Variants in TDRD3 observed in about 807,000 individuals in gnomAD.
TDRD3 encodes tudor domain containing 3, also known as tudor domain-containing protein 3.
Under a neutral mutation model 86.7 loss-of-function variants are expected in TDRD3, and 45 were observed. The ratio of observed to expected loss-of-function variants is 0.52; its 90% CI spans 0.41 to 0.67. The LOEUF (loss-of-function observed/expected upper bound fraction) is 0.67, where lower values mean the gene tolerates loss of function less well. Ranked by LOEUF, TDRD3 falls within the 30% of genes least tolerant of loss-of-function variation. TDRD3 has a pLI of 0.00. For synonymous variants in TDRD3, 298 were observed against 301.7 expected, an observed-to-expected ratio of 0.99 and a Z score of 0.13; for missense variants, 814 against 889.0, an observed-to-expected ratio of 0.92 and a Z score of 1.07.
At chr13:60,512,129 C>A (rs190355671) in intron 10 of TDRD3, among the ~76,000 whole-genome samples, 4 of 152,236 alleles carry the variant, frequency 2.6e-5, no homozygotes, top group Non-Finnish European at 5.9e-5. Context: ...GGGGAAGCCT[C>A]ACAATCACGG....
At chr13:60,421,605 C>T (rs942101957) in intron 1 of TDRD3, among the ~76,000 whole-genome samples, 65 of 152,276 alleles carry the variant, frequency 4.3e-4, no homozygotes, top group African/African-American at 1.4e-3. Context: ...TTCCCAAAAT[C>T]TTTCCCCCAA....
intron 1 of TDRD3, among the ~76,000 whole-genome samples, chr13:60,438,388 G>A (rs1358770496): frequency 1.3e-5 from 2 of 151,950 alleles, no homozygotes; most frequent in African/African-American, 4.8e-5. Flanking sequence ...CTGACTCATC[G>A]ATATATTTGT....
chr13:60,514,946 A>G (rs1016245529), intron 10 of TDRD3, among the ~76,000 whole-genome samples: 3 of 152,194 alleles, frequency 2.0e-5, no homozygotes, highest in African/African-American at 7.2e-5. Flanking sequence ...GCAGTATTTT[A>G]TTTAGTATTT....
intron 1 of TDRD3, among the ~76,000 whole-genome samples, chr13:60,402,720 G>A (rs1354689261): frequency 2.2e-5 from 3 of 135,470 alleles, no homozygotes; most frequent in African/African-American, 5.5e-5. Context: ...TTTTTGAGAC[G>A]GAGTTTCACT....
chr13:60,541,669 T>C (rs1237390878), intron 12 of TDRD3, among the ~76,000 whole-genome samples: 1 of 149,564 alleles, frequency 6.7e-6, no homozygotes, highest in African/African-American at 2.4e-5. Flanking sequence ...TTTTCATTCA[T>C]GTATATCCAA....
At chr13:60,476,571 T>C (rs1408189503) in intron 5 of TDRD3, among the ~76,000 whole-genome samples, 1 of 150,368 alleles carries the variant, frequency 6.7e-6, no homozygotes, top group Non-Finnish European at 1.5e-5. Flanking sequence ...TTTAGAATAG[T>C]TTTTTTTTCT....
At chr13:60,524,169 G>A (rs928121844) in intron 10 of TDRD3, among the ~76,000 whole-genome samples, 1 of 152,136 alleles carries the variant, frequency 6.6e-6, no homozygotes, top group East Asian at 1.9e-4. Flanking sequence ...GGGAACCAAG[G>A]AGCTGCCTTT....
At chr13:60,488,144 G>C (rs36049707) in intron 7 of TDRD3, among the ~76,000 whole-genome samples, 1 of 152,108 alleles carries the variant, frequency 6.6e-6, no homozygotes. Context: ...GAGATGGGTC[G>C]TCAGTCTCAA....
chr13:60,536,573 G>A (rs1335675528), intron 12 of TDRD3: 4 of 151,940 alleles, frequency 2.6e-5, no homozygotes, highest in Admixed American at 6.6e-5. Context: ...TATTGAATCT[G>A]TATTTCTACA....
chr13:60,414,823 G>A (rs1443278091), intron 1 of TDRD3, among the ~76,000 whole-genome samples: 3 of 151,844 alleles, frequency 2.0e-5, no homozygotes, highest in Non-Finnish European at 4.4e-5. Context: ...GGTTTCAATT[G>A]AGCATTCCTA....
intron 10 of TDRD3, among the ~76,000 whole-genome samples, chr13:60,521,939 C>T (rs1957295962): frequency 6.6e-6 from 1 of 151,880 alleles, no homozygotes; most frequent in South Asian, 2.1e-4. Flanking sequence ...AAAAGAGTAA[C>T]CTCCAAAACT....
intron 1 of TDRD3, among the ~76,000 whole-genome samples, chr13:60,437,042 C>T (rs2137946660): frequency 6.8e-6 from 1 of 147,586 alleles, no homozygotes; most frequent in African/African-American, 2.5e-5. Flanking sequence ...GATTAGGAAA[C>T]TGATTTGGAT....
chr13:60,476,741 T>C (rs187863158), intron 5 of TDRD3, among the ~76,000 whole-genome samples: 3 of 152,286 alleles, frequency 2.0e-5, no homozygotes, highest in African/African-American at 7.2e-5. Flanking sequence ...CTTTGAGCAA[T>C]GTTTTGTAAT....
intron 1 of TDRD3, among the ~76,000 whole-genome samples, chr13:60,421,948 G>T (rs1954670813): frequency 6.6e-6 from 1 of 152,172 alleles, no homozygotes; most frequent in Non-Finnish European, 1.5e-5. Context: ...ATATTTCAAA[G>T]TAAGGACAGG....
At chr13:60,495,143 A>G (rs958107199) in intron 8 of TDRD3, among the ~76,000 whole-genome samples, 8 of 152,236 alleles carry the variant, frequency 5.3e-5, no homozygotes, top group Admixed American at 1.3e-4. Flanking sequence ...TAGGGTACAG[A>G]ATATCCCAAA....
chr13:60,547,180 G>T, intron 12 of TDRD3: 1 of 876,226 alleles, frequency 1.1e-6, no homozygotes, highest in Non-Finnish European at 1.4e-6. Flanking sequence ...CACATAAATG[G>T]CAAAGTATAA....
intron 1 of TDRD3, among the ~76,000 whole-genome samples, chr13:60,426,709 T>G (rs1055425861): frequency 2.2e-4 from 34 of 152,146 alleles, no homozygotes; most frequent in Non-Finnish European, 4.4e-5. Flanking sequence ...AAGGAGAGAT[T>G]ACTCCATAAA....
chr13:60,454,416 A>G (rs1015332008), intron 3 of TDRD3, among the ~76,000 whole-genome samples: 6 of 151,740 alleles, frequency 4.0e-5, no homozygotes, highest in East Asian at 1.9e-4. Context: ...ATATTTCTCA[A>G]TCTTCGTAGC....
chr13:60,524,018 C>T (rs1467918941), intron 10 of TDRD3, among the ~76,000 whole-genome samples: 1 of 151,474 alleles, frequency 6.6e-6, no homozygotes. Context: ...GCATTGTACT[C>T]TGCTGACTGT....
Sources: allele counts gnomAD v4.1 joint callset (sites outside exome capture counted in the v4.1 genomes callset), GRCh38; gene constraint gnomAD v4.1.1; transcripts MANE v1.5; gene names NCBI Gene and HGNC (gene_info 2026-07-23, HGNC 2026-07-21).